Variants in PIK3R3 observed in about 807,000 individuals in gnomAD.
PIK3R3 encodes phosphoinositide-3-kinase regulatory subunit 3.
Under a neutral mutation model 62.9 loss-of-function variants are expected in PIK3R3, and 64 were observed. The ratio of observed to expected loss-of-function variants is 1.02; its 90% CI spans 0.83 to 1.25. The LOEUF is 1.25. Among genes scored for constraint, PIK3R3 ranks in the 50% most tolerant of loss-of-function variants. PIK3R3 has a pLI of 0.00. For synonymous variants in PIK3R3, 165 were observed against 189.0 expected, an observed-to-expected ratio of 0.87 and a Z score of 1.04; for missense variants, 614 against 561.6, an observed-to-expected ratio of 1.09 and a Z score of -0.94.
chr1:46,043,480 G>A lies in PIK3R3; in HGVS notation c.*193C>T, dbSNP rs573626077. On this transcript the variant is annotated 3_prime_UTR_variant, in exon 10 of 10. Transcript: ENST00000262741. ...CTTAGTATGTCAGTGCAGCGGCATG[G>A]CTGAGTCCTAGAGAACCTCAGGCCT... 11 of 584,382 alleles carry A rather than the reference G, an allele frequency of 1.9e-5. No individual in the cohort carries two copies. The highest frequency in any genetic ancestry group is 3.1e-5 in the Non-Finnish European group (10 of 326,466). The allele number at this position is 584,382 out of a possible 1,614,324, so 36.2% of individuals were successfully genotyped here.
At chr1:46,116,020 G>A (rs1007369700) in intron 1 of PIK3R3, among the ~76,000 whole-genome samples, 1 of 152,156 alleles carries the variant, frequency 6.6e-6, no homozygotes, top group African/African-American at 2.4e-5. Flanking sequence ...GAAAGTTTGG[G>A]ATTAACCATG....
rs1341157816 is a variant in PIK3R3, at chr1:46,077,516, G to A, written c.313C>T (p.Arg105Trp). The change falls in exon 3 of 10, where the codon CGG (arginine) becomes TGG (tryptophan). Residue 105 changes from arginine to tryptophan, a missense_variant and splice_region_variant. Transcript: ENST00000262741. ...KMQGDYTLTL[R>W]KGGNNKLIKI... ...GCCAAAAGACTGAAAAGTACTTACC[G>A]CAAAGTCAAAGTATAATCTCCCTGC... 6.3e-7 allele frequency: 1 copy of A among 1,583,538 alleles called. No homozygotes were observed. Among genetic ancestry groups the A allele is most frequent in the Non-Finnish European group, 8.7e-7 (1 of 1,152,660 alleles).
Position 46,066,083 on chromosome 1 carries a change from G to C in PIK3R3, c.592C>G (p.Leu198Val). The stretch of plus-strand genomic sequence containing the variant: ...GATGTTCTAGTATATTCTTCATACA[G>C]CCTATCATACTCTTTACTCTTCTCC... ...YQEKSKEYDRLYEEYTRTSQE... is the reference protein window; with the variant it reads ...YQEKSKEYDRVYEEYTRTSQE... The change falls in exon 5 of 10, where the codon CTG becomes GTG. Residue 198 changes from leucine to valine, a missense_variant. Coordinates refer to ENST00000262741, the MANE Select transcript of PIK3R3 (RefSeq NM_003629.4). 1 of 1,607,932 alleles carries C rather than the reference G, an allele frequency of 6.2e-7. No homozygotes were observed. The highest frequency in any genetic ancestry group is 1.1e-5 in the South Asian group (1 of 90,954).
At position 46,045,899 on chromosome 1, in the gene PIK3R3, AT is replaced by A. The variant is rs777335569; in HGVS notation, c.1187+18del. 9.6e-5 allele frequency: 153 copies of A among 1,597,300 alleles called. No individual in the cohort carries two copies. The highest frequency in any genetic ancestry group is 1.3e-4 in the Non-Finnish European group (147 of 1,167,410). On this transcript the variant is annotated intron_variant, in intron 9 of 9. Coordinates refer to ENST00000262741, the MANE Select transcript of PIK3R3 (RefSeq NM_003629.4). Reference sequence around the variant, plus strand: ...GATGCAAAAGATTTCAAAAGGTTATATCCCCAGAGAAGACTTACACCACAGA... The same window carrying A: ...GATGCAAAAGATTTCAAAAGGTTATACCCCAGAGAAGACTTACACCACAGA...
intron 3 of PIK3R3, among the ~76,000 whole-genome samples, chr1:46,076,062 C>T (rs1650041481): frequency 6.6e-6 from 1 of 152,166 alleles, no homozygotes; most frequent in African/African-American, 2.4e-5. Context: ...GGTGCTCACA[C>T]TGAGGGGCGA....
the PIK3R3 span, among the ~76,000 whole-genome samples, chr1:46,140,618 T>A: frequency 6.6e-6 from 1 of 151,438 alleles, no homozygotes; most frequent in Non-Finnish European, 1.5e-5. Flanking sequence ...TAGACATAGA[T>A]GAGAAGGCAA....
At position 46,051,115 on chromosome 1, in the gene PIK3R3, TGTG is replaced by T. The variant is rs541297660; in HGVS notation, c.942-4493_942-4491del. On this transcript the variant is annotated intron_variant, in intron 7 of 9. Transcript: ENST00000262741. The stretch of plus-strand genomic sequence containing the variant: ...AAGGTGATGAAAATGTTCTAAAATA[TGTG>T]GTGATGACAAAATACCTGTGAACAT... Among the ~76,000 whole-genome samples the T allele has an allele frequency of 2.8e-4, 42 of 152,208 alleles. No homozygotes were observed. In the South Asian group the frequency reaches 8.1e-3, roughly 29 times the overall value.
In PIK3R3 at chr1:46,127,027, A is replaced by C. The variant is rs1286698309; in HGVS notation, c.106+4820T>G. Among the ~76,000 whole-genome samples the C allele has an allele frequency of 3.3e-5, 5 of 152,152 alleles. No individual in the cohort carries two copies. The East Asian group carries it at 7.7e-4, about 24-fold the overall frequency. On this transcript the variant is annotated intron_variant, in intron 1 of 9. Transcript: ENST00000262741. The stretch of plus-strand genomic sequence containing the variant: ...CATTTTCTAATTATCTAAGGAAGAG[A>C]CGTTGCTGCCCTAAAGATAATTTTA...
At chr1:46,159,497 T>C in the PIK3R3 span, among the ~76,000 whole-genome samples, 2 of 152,226 alleles carry the variant, frequency 1.3e-5, no homozygotes, top group Admixed American at 6.5e-5. Flanking sequence ...ATCCAGTTGT[T>C]AGCTGGGGCT....
intron 1 of PIK3R3, among the ~76,000 whole-genome samples, chr1:46,129,698 T>G (rs1457102629): frequency 6.6e-6 from 1 of 152,186 alleles, no homozygotes; most frequent in Non-Finnish European, 1.5e-5. Context: ...TTTTGAAAAC[T>G]TAATTTATCA....
chr1:46,067,673 T>G (rs1331517678), intron 3 of PIK3R3, among the ~76,000 whole-genome samples: 2 of 152,194 alleles, frequency 1.3e-5, no homozygotes, highest in Non-Finnish European at 2.9e-5. Flanking sequence ...AACCTTATAC[T>G]ATTTTGTCTT....
chr1:46,136,016 C>T (rs1166444950), upstream of PIK3R3, among the ~76,000 whole-genome samples: 2 of 118,050 alleles, frequency 1.7e-5, no homozygotes, highest in African/African-American at 3.4e-5. Context: ...GACAACAGGG[C>T]GAGACTCAGT....
intron 1 of PIK3R3, among the ~76,000 whole-genome samples, chr1:46,123,738 T>A (rs143818798): frequency 6.6e-6 from 1 of 152,198 alleles, no homozygotes; most frequent in Non-Finnish European, 1.5e-5. Context: ...TTCCTGTCTG[T>A]AGAGTGGGAT....
At chr1:46,114,473 G>A (rs1342705314) in intron 1 of PIK3R3, among the ~76,000 whole-genome samples, 2 of 152,124 alleles carry the variant, frequency 1.3e-5, no homozygotes, top group Non-Finnish European at 2.9e-5. Flanking sequence ...CATAACAGTG[G>A]TTCTTAAAGT....
intron 3 of PIK3R3, among the ~76,000 whole-genome samples, chr1:46,073,538 C>T (rs774332820): frequency 6.6e-6 from 1 of 152,174 alleles, no homozygotes; most frequent in South Asian, 2.1e-4. Flanking sequence ...CTGTGTTAAC[C>T]AAGGTAGATC....
intron 2 of PIK3R3, 44 bp from the exon 3 acceptor site, chr1:46,077,657 G>GGTGGCTTCGGCAGTAGGT (rs1650193151): frequency 8.1e-7 from 1 of 1,237,122 alleles, no homozygotes; most frequent in East Asian, 2.3e-5. Context: ...TGTCAACACT[G>GGTGGCTTCGGCAGTAGGT]GTGGCTTCGG....
chr1:46,174,657 A>G, the PIK3R3 span, among the ~76,000 whole-genome samples: 1 of 152,122 alleles, frequency 6.6e-6, no homozygotes, highest in South Asian at 2.1e-4. Context: ...CCCAGCGACT[A>G]AGACACAACC....
At chr1:46,124,206 G>A (rs575873936) in intron 1 of PIK3R3, among the ~76,000 whole-genome samples, 4 of 152,206 alleles carry the variant, frequency 2.6e-5, no homozygotes, top group Non-Finnish European at 5.9e-5. Context: ...ACTAGATATT[G>A]ATATGGTACA....
chr1:46,040,225 C>T lies in PIK3R3; in HGVS notation c.*3448G>A, dbSNP rs1186515198. ...TGGGGAAGGTATTAAACAAAAAGACCAATAAGTATCTCCTCTCGCCTTTCC... is the reference window on the plus strand; with the variant it reads ...TGGGGAAGGTATTAAACAAAAAGACTAATAAGTATCTCCTCTCGCCTTTCC... On this transcript the variant is annotated 3_prime_UTR_variant, in exon 10 of 10. Coordinates refer to ENST00000262741, the MANE Select transcript of PIK3R3 (RefSeq NM_003629.4). 4.3e-6 allele frequency: 1 copy of T among 232,200 alleles called. No individual in the cohort carries two copies. The highest frequency in any genetic ancestry group is 6.1e-5 in the East Asian group (1 of 16,384). 14.4% of individuals were successfully genotyped at this position (232,200 alleles called of 1,614,324 possible).
Sources: gnomAD v4.1 joint callset for allele counts (sites outside exome capture counted in the v4.1 genomes callset) on GRCh38, gnomAD v4.1.1 for gene constraint, MANE v1.5 for transcripts, NCBI Gene and HGNC (gene_info 2026-07-23, HGNC 2026-07-21) for gene names.